TTLL7: variants seen among roughly 807,000 people sequenced by gnomAD.
TTLL7 encodes the protein tubulin polyglutamylase TTLL7.
TTLL7 carries 53 observed loss-of-function variants against 120.2 expected under a neutral mutation model. That is an observed-to-expected ratio of 0.44 (90% CI 0.35 to 0.55). The LOEUF is 0.55. Ranked by LOEUF, TTLL7 falls within the 20% of genes least tolerant of loss-of-function variation. The pLI, the probability that TTLL7 is intolerant of heterozygous loss-of-function variation, is 0.00. For synonymous variants in TTLL7, 353 were observed against 351.7 expected (o/e 1.00, Z -0.04); for missense variants, 803 against 1,054.7 (o/e 0.76, Z 3.31).
rs376037391 is a variant in TTLL7, at chr1:83,959,097, G to A, written c.-176-6710C>T. Among the ~76,000 whole-genome samples the A allele has an allele frequency of 4.3e-4, 66 of 152,306 alleles. 1 individual carries two copies. The South Asian group carries it at 0.013, about 30-fold the overall frequency. ...TATTAATGTCTAAAGAGTTCCATGA[G>A]TCAAAAAATAAAATAGGTTTGGAAA... On this transcript the variant is annotated intron_variant, in intron 1 of 20. Coordinates refer to ENST00000260505, the MANE Select transcript of TTLL7 (RefSeq NM_024686.6).
Position 83,890,451 on chromosome 1 carries a change from T to A in TTLL7, c.2239A>T (p.Thr747Ser), listed in dbSNP as rs190219125. 66 of 1,612,620 alleles carry A rather than the reference T, an allele frequency of 4.1e-5. No individual in the cohort carries two copies. Among genetic ancestry groups the A allele is most frequent in the Non-Finnish European group, 5.2e-5 (61 of 1,179,290 alleles). ...ACCTTCCAGATGCGTGGAAGAACTG[T>A]ACGAATACTTGTTTTCACTATGTCC... Reference protein sequence around the residue: ...VLDIVKTSIRTVLPRIWKVPD... With the variant: ...VLDIVKTSIRSVLPRIWKVPD... Residue 747 changes from threonine (T) to serine (S), a missense_variant, in exon 19 of 21, where the codon ACA becomes TCA. Thr to Ser is a moderately conservative substitution (Grantham distance 58, BLOSUM62 1). Around this residue, in one of 3 missense-constraint regions of TTLL7, gnomAD observed 388 missense variants for 450.4 expected, o/e 0.86. Coordinates refer to ENST00000260505, the MANE Select transcript of TTLL7 (RefSeq NM_024686.6).
intron 7 of TTLL7, among the ~76,000 whole-genome samples, chr1:83,938,645 A>T (rs941814714): frequency 6.6e-6 from 1 of 152,054 alleles, no homozygotes. Context: ...CTGGAGTTCT[A>T]TGTTTTTGTC....
chr1:83,935,018 G>T (rs1187113952), intron 8 of TTLL7, among the ~76,000 whole-genome samples: 2 of 152,044 alleles, frequency 1.3e-5, no homozygotes, highest in Non-Finnish European at 2.9e-5. Context: ...TTTATTCTAT[G>T]GGTGATAAAA....
At chr1:83,903,488 A>AC (rs1295458394) in intron 18 of TTLL7, among the ~76,000 whole-genome samples, 1 of 151,696 alleles carries the variant, frequency 6.6e-6, no homozygotes, top group Non-Finnish European at 1.5e-5. Flanking sequence ...TGGCGTCAGG[A>AC]CCCCCACTCC....
chr1:83,913,050 A>C (rs559201747), intron 14 of TTLL7: 1 of 152,284 alleles, frequency 6.6e-6, no homozygotes, highest in East Asian at 1.9e-4. Flanking sequence ...CCTATAAAGA[A>C]TCACAAGGGG....
intron 1 of TTLL7, among the ~76,000 whole-genome samples, chr1:83,989,729 A>G (rs1046586493): frequency 2.6e-5 from 4 of 152,156 alleles, no homozygotes; most frequent in African/African-American, 7.2e-5. Context: ...TGGTAGCTTG[A>G]TAAGTATAGC....
chr1:83,944,889 G>T (rs549478689), intron 6 of TTLL7, among the ~76,000 whole-genome samples: 1 of 152,214 alleles, frequency 6.6e-6, no homozygotes, highest in East Asian at 1.9e-4. Flanking sequence ...ATCTATGTAG[G>T]AACAAAGTTT....
At chr1:83,987,730 G>A (rs1406184462) in intron 1 of TTLL7, among the ~76,000 whole-genome samples, 2 of 151,440 alleles carry the variant, frequency 1.3e-5, no homozygotes, top group African/African-American at 4.9e-5. Flanking sequence ...GTGCACCAAG[G>A]GACACAATCA....
chr1:83,886,400 T>C (rs909067419), intron 19 of TTLL7, among the ~76,000 whole-genome samples: 1 of 151,954 alleles, frequency 6.6e-6, no homozygotes, highest in African/African-American at 2.4e-5. Context: ...AGTTTATACA[T>C]ACCAACACAG....
At chr1:83,872,058 TTG>T (rs796724856) in intron 20 of TTLL7, among the ~76,000 whole-genome samples, 24 of 152,202 alleles carry the variant, frequency 1.6e-4, no homozygotes, top group African/African-American at 5.6e-4. Flanking sequence ...AAAATTATAG[TTG>T]TGTTATATGA....
intron 14 of TTLL7, among the ~76,000 whole-genome samples, chr1:83,915,733 A>C (rs1042983390): frequency 1.3e-5 from 2 of 152,302 alleles, no homozygotes; most frequent in African/African-American, 4.8e-5. Flanking sequence ...AAATTTTTGC[A>C]ATCTACTCAT....
chr1:83,893,289 T>C (rs774363293), intron 18 of TTLL7, among the ~76,000 whole-genome samples: 1 of 152,022 alleles, frequency 6.6e-6, no homozygotes, highest in Non-Finnish European at 1.5e-5. Context: ...CCTAAAAAAT[T>C]TGTAAACCCC....
At chr1:83,977,688 C>T (rs1571367662) in intron 1 of TTLL7, among the ~76,000 whole-genome samples, 2 of 152,176 alleles carry the variant, frequency 1.3e-5, no homozygotes, top group Admixed American at 6.5e-5. Flanking sequence ...CCCCTTGGAA[C>T]ACAAACAGAA....
chr1:83,997,156 TGAA>T (rs1350303935), intron 1 of TTLL7, among the ~76,000 whole-genome samples: 1 of 152,168 alleles, frequency 6.6e-6, no homozygotes, highest in Non-Finnish European at 1.5e-5. Flanking sequence ...CCCGTTAACT[TGAA>T]AAAGAATTCT....
chr1:83,931,896 C>A (rs984799695), intron 9 of TTLL7, among the ~76,000 whole-genome samples: 1 of 152,116 alleles, frequency 6.6e-6, no homozygotes, highest in Non-Finnish European at 1.5e-5. Context: ...ATATTAGCCC[C>A]ACCAAAATAT....
chr1:83,933,239 T>C (rs1659755543), intron 9 of TTLL7, among the ~76,000 whole-genome samples: 1 of 152,120 alleles, frequency 6.6e-6, no homozygotes, highest in Non-Finnish European at 1.5e-5. Context: ...GGCAAGATCC[T>C]GAAGCCCAGG....
At chr1:83,972,117 A>G (rs1232586722) in intron 1 of TTLL7, among the ~76,000 whole-genome samples, 1 of 152,008 alleles carries the variant, frequency 6.6e-6, no homozygotes, top group Non-Finnish European at 1.5e-5. Flanking sequence ...GATATATCAT[A>G]ATTACTGACA....
intron 6 of TTLL7, among the ~76,000 whole-genome samples, chr1:83,945,175 T>C (rs557183136): frequency 2.0e-5 from 3 of 152,280 alleles, no homozygotes; most frequent in South Asian, 2.1e-4. Flanking sequence ...TAAATGTAAA[T>C]AGATTAACTC....
intron 1 of TTLL7, chr1:83,980,712 G>GA (rs1167253846): frequency 6.6e-6 from 1 of 151,984 alleles, no homozygotes; most frequent in African/African-American, 2.4e-5. Context: ...ACAGAATTGG[G>GA]AAAAATACAA....
Sources: gnomAD v4.1 joint callset for allele counts (sites outside exome capture counted in the v4.1 genomes callset) on GRCh38, gnomAD v4.1.1 for gene constraint, gnomAD v4.1.1 regional missense constraint, MANE v1.5 for transcripts, NCBI Gene and HGNC (gene_info 2026-07-23, HGNC 2026-07-21) for gene names.